ATRX: variants seen among roughly 807,000 people sequenced by gnomAD.
ATRX encodes ATRX chromatin remodeler, also known as chromatin remodeler ATRX.
Under a neutral mutation model 172.6 loss-of-function variants are expected in ATRX, and 12 were observed. The observed-to-expected ratio is 0.07, with a 90% CI of 0.04 to 0.11. The LOEUF (loss-of-function observed/expected upper bound fraction) is 0.11. ATRX is among the 10% of genes least tolerant of loss of function. The pLI is 1.00. For synonymous variants in ATRX, 674 were observed against 594.7 expected (o/e 1.13, Z -1.94); for missense variants, 1,368 against 1,767.4 (o/e 0.77, Z 4.05).
chrX:77,725,335 G>A (rs2073981540), intron 1 of ATRX, among the ~76,000 whole-genome samples: 1 of 111,543 alleles, frequency 9.0e-6, no homozygotes, highest in African/African-American at 3.3e-5. Context: ...ACAACCACCT[G>A]ATCTTTGACA....
intron 31 of ATRX, 98 bp from the exon 32 acceptor site, chrX:77,522,486 C>T: frequency 2.1e-6 from 2 of 962,170 alleles, no homozygotes; most frequent in South Asian, 2.0e-5. Flanking sequence ...TTCTCAGATC[C>T]AGGAAATTAT....
chrX:77,698,919 A>T (rs2072342370), intron 2 of ATRX: 1 of 351,753 alleles, frequency 2.8e-6, no homozygotes, highest in African/African-American at 2.6e-5. Flanking sequence ...AGCAGAAGAA[A>T]ATTTAAACTA....
chrX:77,558,687 T>C lies in ATRX; in HGVS notation c.6486A>G (p.Val2162=), dbSNP rs374952152. The change falls in exon 29 of 35, where the codon GTA becomes GTG. Residue 2162 remains valine, a synonymous_variant. Coordinates refer to ENST00000373344, the MANE Select transcript of ATRX (RefSeq NM_000489.6). ...YRFGQTKPVY[V]YRFLAQGTME... ...AACCTACCTGAGCTAAGAACCTATA[T>C]ACATAAACAGGCTTAGTTTGTCCAA... 7 of 1,200,431 alleles carry C rather than the reference T, an allele frequency of 5.8e-6. No homozygotes were observed. The highest frequency in any genetic ancestry group is 1.8e-5 in the African/African-American group (1 of 56,982).
intron 19 of ATRX, among the ~76,000 whole-genome samples, chrX:77,631,915 A>T (rs1352551976): frequency 8.9e-6 from 1 of 112,503 alleles, no homozygotes; most frequent in Non-Finnish European, 1.9e-5. Flanking sequence ...AACCAGATGT[A>T]GGGTATATGG....
intron 1 of ATRX, among the ~76,000 whole-genome samples, chrX:77,733,434 G>A (rs982438312): frequency 9.0e-6 from 1 of 111,176 alleles, no homozygotes; most frequent in African/African-American, 3.3e-5. Flanking sequence ...AAAACAGCAT[G>A]ATTCTGGCAT....
chrX:77,593,564 C>A, intron 26 of ATRX, 132 bp downstream of exon 26: 1 of 661,611 alleles, frequency 1.5e-6, no homozygotes, highest in Admixed American at 2.9e-5. Context: ...ATTGGCCTAG[C>A]ACTACAATGA....
intron 15 of ATRX, among the ~76,000 whole-genome samples, chrX:77,640,334 GAA>G (rs1438160561): frequency 9.1e-6 from 1 of 109,550 alleles, no homozygotes; most frequent in Non-Finnish European, 1.9e-5. Flanking sequence ...ACTAAAAGCT[GAA>G]ATTTTAAAAA....
intron 1 of ATRX, among the ~76,000 whole-genome samples, chrX:77,761,289 G>T (rs2075707053): frequency 9.0e-6 from 1 of 111,390 alleles, no homozygotes; most frequent in Admixed American, 9.6e-5. Context: ...TGTAATCCTA[G>T]CACTTTGGGA....
Position 77,682,944 on chromosome X carries a change from G to T in ATRX, c.2312C>A (p.Ala771Glu), listed in dbSNP as rs376906761. 8.3e-7 allele frequency: 1 copy of T among 1,209,279 alleles called. No individual in the cohort carries two copies. The highest frequency in any genetic ancestry group is 2.2e-5 in the Admixed American group (1 of 45,810). Residue 771 changes from alanine (A) to glutamate (E), a missense_variant, in exon 9 of 35, where the codon GCG becomes GAG. Coordinates refer to ENST00000373344, the MANE Select transcript of ATRX (RefSeq NM_000489.6). ...HKTLYDLKTQ[A>E]GKDDKGKRKR... ...CCTTTTTCCTTTATCATCTTTCCCCGCCTGAGTCTTTAAATCATACAAAGT... is the reference window on the plus strand; with the variant it reads ...CCTTTTTCCTTTATCATCTTTCCCCTCCTGAGTCTTTAAATCATACAAAGT...
At chrX:77,740,110 G>A (rs2074795316) in intron 1 of ATRX, among the ~76,000 whole-genome samples, 1 of 102,826 alleles carries the variant, frequency 9.7e-6, no homozygotes, top group African/African-American at 3.5e-5. Context: ...AAACTCACCA[G>A]GCAGCTATAA....
chrX:77,742,471 A>T (rs1371706229), intron 1 of ATRX, among the ~76,000 whole-genome samples: 1 of 111,808 alleles, frequency 8.9e-6, no homozygotes, highest in Non-Finnish European at 1.9e-5. Context: ...GAACTGTGAG[A>T]CCCTGGAGGA....
intron 28 of ATRX, among the ~76,000 whole-genome samples, chrX:77,562,757 G>C (rs1057094302): frequency 9.0e-6 from 1 of 111,501 alleles, no homozygotes; most frequent in African/African-American, 3.3e-5. Context: ...ATGTTGCCCA[G>C]GCTGGTCTTG....
At position 77,657,022 on chromosome X, in the gene ATRX, G is replaced by A. The variant is rs138183935; in HGVS notation, c.4121-369C>T. Among the ~76,000 whole-genome samples the A allele has an allele frequency of 7.0e-3, 777 of 111,783 alleles. 9 individuals carry two copies. Among genetic ancestry groups the A allele is most frequent in the African/African-American group, 0.024 (751 of 30,802 alleles). On this transcript the variant is annotated intron_variant, in intron 12 of 34. Transcript: ENST00000373344. ...AGCAAGGTAGGCTGGCCAAGATGGAGTAAGATTACAGATTGTCTCCACCAA... is the reference window on the plus strand; with the variant it reads ...AGCAAGGTAGGCTGGCCAAGATGGAATAAGATTACAGATTGTCTCCACCAA...
intron 30 of ATRX, among the ~76,000 whole-genome samples, chrX:77,534,175 C>T (rs1181510141): frequency 9.0e-6 from 1 of 111,449 alleles, no homozygotes; most frequent in Non-Finnish European, 1.9e-5. Context: ...TTATGTAGTT[C>T]ATAAGCAGGA....
intron 19 of ATRX, among the ~76,000 whole-genome samples, chrX:77,627,614 T>C (rs1557103874): frequency 1.9e-5 from 2 of 106,554 alleles, no homozygotes; most frequent in Non-Finnish European, 3.9e-5. Flanking sequence ...GGTAACATAG[T>C]GAGATCCTCA....
chrX:77,509,780 C>T (rs2062804388), intron 34 of ATRX, among the ~76,000 whole-genome samples: 1 of 110,708 alleles, frequency 9.0e-6, no homozygotes, highest in Admixed American at 9.6e-5. Flanking sequence ...GCAGGCAGAA[C>T]CCGAGTTCCG....
At chrX:77,783,161 G>A (rs1848669376) in intron 1 of ATRX, among the ~76,000 whole-genome samples, 1 of 111,401 alleles carries the variant, frequency 9.0e-6, no homozygotes, top group South Asian at 3.7e-4. Context: ...CTTGAACCTG[G>A]GAGGCGGAGG....
At chrX:77,574,153 TA>T in intron 28 of ATRX, 96 bp downstream of exon 28, 1 of 630,716 alleles carries the variant, frequency 1.6e-6, no homozygotes, top group Non-Finnish European at 2.5e-6. Flanking sequence ...TTGCATTTGC[TA>T]AAAACATTCA....
At chrX:77,690,835 C>A (rs1053913757) in intron 6 of ATRX, 1 of 112,167 alleles carries the variant, frequency 8.9e-6, no homozygotes, top group East Asian at 2.8e-4. Context: ...GTGCATACAT[C>A]GCTCAAGAAT....
Sources: gnomAD v4.1 joint callset for allele counts (sites outside exome capture counted in the v4.1 genomes callset) on GRCh38, gnomAD v4.1.1 for gene constraint, MANE v1.5 for transcripts, NCBI Gene and HGNC (gene_info 2026-07-23, HGNC 2026-07-21) for gene names.